The following ZNF385D variants were observed in gnomAD, a reference collection of about 807,000 sequenced individuals.
ZNF385D encodes the protein zinc finger protein 659.
A neutral mutation model predicts 35.8 loss-of-function variants in ZNF385D; 15 were observed. The ratio of observed to expected loss-of-function variants is 0.42; its 90% CI spans 0.28 to 0.64. The LOEUF is 0.64. Among genes scored for constraint, ZNF385D ranks in the 30% least tolerant of loss-of-function variants. The pLI is 0.23. For synonymous variants in ZNF385D, 212 were observed against 186.8 expected (o/e 1.13, Z -1.10); for missense variants, 474 against 494.6 (o/e 0.96, Z 0.39).
intron 3 of ZNF385D, among the ~76,000 whole-genome samples, chr3:22,106,708 G>A (rs1049113342): frequency 1.3e-5 from 2 of 152,168 alleles, no homozygotes; most frequent in Non-Finnish European, 2.9e-5. Context: ...AACCCTTGGA[G>A]TTGAACCTGT....
chr3:21,928,919 T>C (rs1283790507), intron 3 of ZNF385D, among the ~76,000 whole-genome samples: 1 of 152,084 alleles, frequency 6.6e-6, no homozygotes, highest in Non-Finnish European at 1.5e-5. Flanking sequence ...ATAATACCAA[T>C]CCTATGCAAA....
At chr3:21,632,554 C>G (rs1046186053) in intron 2 of ZNF385D, among the ~76,000 whole-genome samples, 9 of 152,020 alleles carry the variant, frequency 5.9e-5, no homozygotes, top group African/African-American at 2.2e-4. Flanking sequence ...CAAAGGAATG[C>G]AGTTAAGGGG....
chr3:21,922,929 G>C (rs1461410361), intron 3 of ZNF385D, among the ~76,000 whole-genome samples: 1 of 151,994 alleles, frequency 6.6e-6, no homozygotes, highest in African/African-American at 2.4e-5. Context: ...TTCAATAGCT[G>C]AACAAACAAA....
intron 7 of ZNF385D, 143 bp downstream of exon 7, chr3:21,423,820 A>G (rs1202918079): frequency 1.2e-5 from 8 of 691,788 alleles, no homozygotes; most frequent in Admixed American, 3.9e-5. Context: ...TCTTTTCCCT[A>G]TGATCTATGA....
chr3:22,162,791 G>A (rs1173900736), intron 3 of ZNF385D, among the ~76,000 whole-genome samples: 4 of 152,052 alleles, frequency 2.6e-5, no homozygotes, highest in African/African-American at 9.7e-5. Flanking sequence ...ACCTCTCTAT[G>A]GTCAATTGAT....
chr3:21,434,197 T>C (rs896333416), intron 5 of ZNF385D, among the ~76,000 whole-genome samples: 4 of 152,140 alleles, frequency 2.6e-5, no homozygotes, highest in Non-Finnish European at 4.4e-5. Context: ...GCCCCAATTG[T>C]TCAACTTGGT....
intron 2 of ZNF385D, among the ~76,000 whole-genome samples, chr3:22,210,732 T>C (rs1240630061): frequency 1.3e-5 from 2 of 151,832 alleles, no homozygotes; most frequent in African/African-American, 4.8e-5. Flanking sequence ...TAGCAAACCA[T>C]TTCCCTCTAC....
chr3:21,973,384 A>T (rs967782193), intron 3 of ZNF385D, among the ~76,000 whole-genome samples: 1 of 151,872 alleles, frequency 6.6e-6, no homozygotes, highest in Non-Finnish European at 1.5e-5. Flanking sequence ...ATAATAAAAA[A>T]CTCTGAAAAA....
intron 3 of ZNF385D, among the ~76,000 whole-genome samples, chr3:21,822,681 A>C (rs192806046): frequency 6.6e-6 from 1 of 152,206 alleles, no homozygotes; most frequent in Non-Finnish European, 1.5e-5. Context: ...AAAGAAGCCA[A>C]ATGCATAGTT....
intron 1 of ZNF385D, among the ~76,000 whole-genome samples, chr3:21,724,475 G>GCCCC (rs1286919809): frequency 4.0e-4 from 8 of 20,244 alleles, no homozygotes; most frequent in Non-Finnish European, 6.1e-4. Context: ...CAAATGGAAA[G>GCCCC]CCAAAAAAAA....
At chr3:22,103,052 T>A (rs1314279006) in intron 3 of ZNF385D, among the ~76,000 whole-genome samples, 2 of 151,460 alleles carry the variant, frequency 1.3e-5, no homozygotes, top group Non-Finnish European at 2.9e-5. Context: ...GCAACTAAAG[T>A]CAAGACTGAT....
chr3:21,863,693 A>T (rs1008438743), intron 3 of ZNF385D, among the ~76,000 whole-genome samples: 2 of 152,152 alleles, frequency 1.3e-5, no homozygotes, highest in African/African-American at 4.8e-5. Flanking sequence ...AATTTCGAAA[A>T]GAACAAGAAC....
intron 3 of ZNF385D, among the ~76,000 whole-genome samples, chr3:22,162,062 A>G (rs1285628069): frequency 6.6e-6 from 1 of 152,140 alleles, no homozygotes; most frequent in Non-Finnish European, 1.5e-5. Flanking sequence ...AAGTACTTGG[A>G]ACAGTTGATG....
chr3:21,767,124 G>A (rs756038897), intron 3 of ZNF385D, among the ~76,000 whole-genome samples: 2 of 141,158 alleles, frequency 1.4e-5, no homozygotes, highest in African/African-American at 2.7e-5. Flanking sequence ...AGCCTAAATT[G>A]AAACAGAATT....
At chr3:22,033,686 A>T (rs1347621054) in intron 3 of ZNF385D, among the ~76,000 whole-genome samples, 1 of 152,100 alleles carries the variant, frequency 6.6e-6, no homozygotes, top group Middle Eastern at 3.2e-3. Flanking sequence ...TAACAAGAAC[A>T]ATGTCTACTA....
intron 4 of ZNF385D, among the ~76,000 whole-genome samples, chr3:21,494,621 T>G (rs973274890): frequency 6.6e-6 from 1 of 152,146 alleles, no homozygotes; most frequent in African/African-American, 2.4e-5. Context: ...TTTTCCTAAC[T>G]CAGAACCTGG....
chr3:22,146,541 T>G (rs1704866495), intron 3 of ZNF385D, among the ~76,000 whole-genome samples: 1 of 152,198 alleles, frequency 6.6e-6, no homozygotes, highest in Non-Finnish European at 1.5e-5. Flanking sequence ...TAATTTACTT[T>G]TTATGGTTGT....
intron 7 of ZNF385D, among the ~76,000 whole-genome samples, chr3:21,421,912 C>G (rs1467765323): frequency 6.6e-6 from 1 of 152,010 alleles, no homozygotes; most frequent in African/African-American, 2.4e-5. Context: ...AGGTACTATT[C>G]AAAATAAATA....
intron 2 of ZNF385D, among the ~76,000 whole-genome samples, chr3:22,366,533 C>A (rs992135302): frequency 2.0e-5 from 3 of 151,996 alleles, no homozygotes; most frequent in African/African-American, 7.2e-5. Context: ...AAATAAATTT[C>A]TGGTCCTTCC....
Sources: allele counts gnomAD v4.1 joint callset (sites outside exome capture counted in the v4.1 genomes callset), GRCh38; gene constraint gnomAD v4.1.1; transcripts MANE v1.5; gene names NCBI Gene and HGNC (gene_info 2026-07-23, HGNC 2026-07-21).